Variants in AGBL1 observed in about 807,000 individuals in gnomAD.
AGBL1 encodes the protein cytosolic carboxypeptidase 4.
AGBL1 carries 130 observed loss-of-function variants against 118.9 expected under a neutral mutation model. That is an observed-to-expected ratio of 1.09 (90% CI 0.95 to 1.26). The LOEUF (loss-of-function observed/expected upper bound fraction) is 1.26. Ranked by LOEUF, AGBL1 falls within the 50% of genes most tolerant of loss-of-function variation. The pLI is 0.00. For missense variants in AGBL1, 1,584 were observed against 1,298.1 expected (o/e 1.22, Z -3.38); for synonymous variants, 555 against 478.9 (o/e 1.16, Z -2.08).
At chr15:86,204,837 G>T (rs1220015369) in intron 5 of AGBL1, among the ~76,000 whole-genome samples, 1 of 152,130 alleles carries the variant, frequency 6.6e-6, no homozygotes, top group Admixed American at 6.5e-5. Context: ...TGATCCACCT[G>T]CCTTGGCCTC....
At chr15:86,945,286 G>C (rs1352618725) in intron 23 of AGBL1, among the ~76,000 whole-genome samples, 2 of 142,992 alleles carry the variant, frequency 1.4e-5, no homozygotes, top group Non-Finnish European at 3.1e-5. Context: ...GAAAATATTT[G>C]ATATCATGAA....
chr15:86,865,070 C>T (rs2079606899), intron 22 of AGBL1, among the ~76,000 whole-genome samples: 1 of 152,144 alleles, frequency 6.6e-6, no homozygotes, highest in Non-Finnish European at 1.5e-5. Flanking sequence ...ATCCCTGGTA[C>T]CCCTAAGAGT....
At chr15:86,194,728 AG>A (rs910064693) in intron 5 of AGBL1, among the ~76,000 whole-genome samples, 1 of 152,218 alleles carries the variant, frequency 6.6e-6, no homozygotes, top group Non-Finnish European at 1.5e-5. Context: ...GCCAGTACTC[AG>A]GCACAGAACA....
intron 22 of AGBL1, among the ~76,000 whole-genome samples, chr15:86,685,172 T>C (rs1430013527): frequency 6.6e-6 from 1 of 152,172 alleles, no homozygotes; most frequent in African/African-American, 2.4e-5. Context: ...ACCAGGAATG[T>C]CAATAGGTAC....
chr15:86,648,945 T>C (rs1334589123), intron 21 of AGBL1, among the ~76,000 whole-genome samples: 2 of 152,156 alleles, frequency 1.3e-5, no homozygotes, highest in Non-Finnish European at 2.9e-5. Flanking sequence ...ATTTGAAGTT[T>C]AATGCAAAGG....
intron 18 of AGBL1, among the ~76,000 whole-genome samples, chr15:86,472,645 G>A (rs763733249): frequency 1.8e-4 from 28 of 152,192 alleles, no homozygotes; most frequent in Non-Finnish European, 3.2e-4. Flanking sequence ...TAGATTGGGC[G>A]CCACGGCTCA....
intron 22 of AGBL1, among the ~76,000 whole-genome samples, chr15:86,870,288 T>A (rs1462280914): frequency 6.6e-6 from 1 of 151,568 alleles, no homozygotes; most frequent in East Asian, 1.9e-4. Context: ...AAGGGAGAAA[T>A]CTGAGGCTTT....
intron 22 of AGBL1, among the ~76,000 whole-genome samples, chr15:86,809,405 T>C (rs1346039106): frequency 6.6e-6 from 1 of 152,180 alleles, no homozygotes; most frequent in African/African-American, 2.4e-5. Context: ...TTTCCACTCC[T>C]CTCACATATA....
At chr15:86,870,856 G>C (rs951509271) in intron 22 of AGBL1, among the ~76,000 whole-genome samples, 2 of 152,184 alleles carry the variant, frequency 1.3e-5, no homozygotes, top group Non-Finnish European at 2.9e-5. Flanking sequence ...TGATCTTTCA[G>C]TTTGGCCAGT....
intron 22 of AGBL1, among the ~76,000 whole-genome samples, chr15:86,825,306 T>C (rs1281326633): frequency 1.0e-4 from 14 of 138,462 alleles, no homozygotes; most frequent in Non-Finnish European, 3.0e-5. Flanking sequence ...GAGAAATTGA[T>C]AAACTGGGTT....
chr15:86,954,235 G>C (rs1187407596), intron 23 of AGBL1, among the ~76,000 whole-genome samples: 1 of 152,130 alleles, frequency 6.6e-6, no homozygotes, highest in African/African-American at 2.4e-5. Flanking sequence ...AAAGCAGTTG[G>C]GAGATTTCTC....
At position 86,424,449 on chromosome 15, in the gene AGBL1, A is replaced by G. The variant is rs573591200; in HGVS notation, c.2555+26903A>G. ...CCATAAAAACCCTAGAAGAAAACCT[A>G]GGCAATACCATTCAGGACATAGGCA... is the stretch of plus-strand genomic sequence containing the variant. On this transcript the variant is annotated intron_variant, in intron 18 of 22. Coordinates refer to ENST00000614907, the MANE Select transcript of AGBL1 (RefSeq NM_001386094.1). Among the ~76,000 whole-genome samples the G allele has an allele frequency of 2.7e-3, 416 of 152,324 alleles. 3 individuals are homozygous for G. Among genetic ancestry groups the G allele is most frequent in the African/African-American group, 9.6e-3 (398 of 41,576 alleles).
In AGBL1 at chr15:86,583,952, CG is replaced by C. The variant is rs1227837272; in HGVS notation, c.2994+29416del. Among the ~76,000 whole-genome samples, 7 of 145,622 alleles carry C rather than the reference CG, an allele frequency of 4.8e-5. No individual in the cohort carries two copies. In the East Asian group the frequency reaches 9.9e-4, roughly 21 times the overall value. The stretch of plus-strand genomic sequence containing the variant: ...TTCTCTGATTATTAGTGATGTGGAA[CG>C]TTTTTTCATGTTTCTTGGCCACTTG... On this transcript the variant is annotated intron_variant, in intron 21 of 22. Transcript: ENST00000614907.
At chr15:86,601,294 G>T (rs957544295) in intron 21 of AGBL1, among the ~76,000 whole-genome samples, 2 of 152,058 alleles carry the variant, frequency 1.3e-5, no homozygotes, top group Non-Finnish European at 2.9e-5. Context: ...TCCTCAGCCT[G>T]GAATTTTGAA....
chr15:86,579,234 A>T (rs1445391335), intron 21 of AGBL1, among the ~76,000 whole-genome samples: 2 of 152,234 alleles, frequency 1.3e-5, no homozygotes, highest in Non-Finnish European at 2.9e-5. Flanking sequence ...GTGTCTAAAA[A>T]GATCTTAGCA....
chr15:86,957,241 G>A (rs1466577926), intron 23 of AGBL1, among the ~76,000 whole-genome samples: 4 of 152,064 alleles, frequency 2.6e-5, no homozygotes, highest in African/African-American at 9.7e-5. Flanking sequence ...TTCAGTGAAT[G>A]TGGTAAATAT....
chr15:86,597,132 T>TATCCATCC (rs57387070), intron 21 of AGBL1, among the ~76,000 whole-genome samples: 16,830 of 147,460 alleles, frequency 0.11, 1,236 homozygotes, highest in African/African-American at 0.2. Context: ...AATCTACCTA[T>TATCCATCC]ATCCATCCAT....
chr15:86,444,794 C>T (rs1276725551), intron 18 of AGBL1, among the ~76,000 whole-genome samples: 1 of 152,086 alleles, frequency 6.6e-6, no homozygotes, highest in Non-Finnish European at 1.5e-5. Context: ...ACCCACTCCC[C>T]ATGCCTTCAC....
chr15:86,825,387 TAAAAAAAAAAAAAAAAA>T (rs869042604), intron 22 of AGBL1, among the ~76,000 whole-genome samples: 438 of 11,162 alleles, frequency 0.039, 10 homozygotes, highest in Non-Finnish European at 0.046. Flanking sequence ...GTAGAAACTG[TAAAAAAAAAAAAAAAAA>T]AAAAAAAAAA....
Sources: allele counts gnomAD v4.1 joint callset (sites outside exome capture counted in the v4.1 genomes callset), GRCh38; gene constraint gnomAD v4.1.1; transcripts MANE v1.5; gene names NCBI Gene and HGNC (gene_info 2026-07-23, HGNC 2026-07-21).